OXR1: variants seen among roughly 807,000 people sequenced by gnomAD.
OXR1 encodes oxidation resistance protein 1.
Under a neutral mutation model 104.6 loss-of-function variants are expected in OXR1, and 41 were observed. That is an observed-to-expected ratio of 0.39 (90% CI 0.31 to 0.51). The LOEUF (loss-of-function observed/expected upper bound fraction) is 0.51, where lower values mean the gene tolerates loss of function less well. OXR1 is among the 20% of genes least tolerant of loss of function. The pLI is 0.77. For synonymous variants in OXR1, 348 were observed against 348.4 expected (o/e 1.00, Z 0.01); for missense variants, 955 against 1,031.9 (o/e 0.93, Z 1.02).
At chr8:106,667,838 T>A (rs1455422941) in intron 3 of OXR1, among the ~76,000 whole-genome samples, 1 of 152,104 alleles carries the variant, frequency 6.6e-6, no homozygotes, top group Admixed American at 6.6e-5. Flanking sequence ...TGTACATCAC[T>A]TCTATGTGTA....
chr8:106,582,244 A>G (rs894192058), intron 3 of OXR1, among the ~76,000 whole-genome samples: 2 of 148,374 alleles, frequency 1.3e-5, no homozygotes, highest in African/African-American at 5.0e-5. Context: ...ATACTGATCA[A>G]AATTCAAAAT....
At chr8:106,450,994 C>T (rs914003581) in intron 2 of OXR1, among the ~76,000 whole-genome samples, 10 of 152,056 alleles carry the variant, frequency 6.6e-5, no homozygotes, top group Non-Finnish European at 1.2e-4. Flanking sequence ...AAATTGGGAA[C>T]CGAGAAAGGA....
chr8:106,679,018 TC>T (rs1827880841), intron 3 of OXR1, among the ~76,000 whole-genome samples, 191 bp from the exon 4 acceptor site: 1 of 151,986 alleles, frequency 6.6e-6, no homozygotes, highest in Non-Finnish European at 1.5e-5. Flanking sequence ...CTAGTTAAGT[TC>T]CTAAAGCAAG....
chr8:106,625,996 TA>T (rs960057695), intron 3 of OXR1, among the ~76,000 whole-genome samples: 1 of 151,718 alleles, frequency 6.6e-6, no homozygotes, highest in Non-Finnish European at 1.5e-5. Context: ...TTTTTAGAAT[TA>T]AAAAATATTT....
At chr8:106,419,817 G>T (rs1818831743) in intron 2 of OXR1, among the ~76,000 whole-genome samples, 1 of 152,154 alleles carries the variant, frequency 6.6e-6, no homozygotes, top group Non-Finnish European at 1.5e-5. Flanking sequence ...GATATAACTC[G>T]TAACTCCAAA....
intron 3 of OXR1, among the ~76,000 whole-genome samples, chr8:106,593,733 G>A (rs757485564): frequency 2.6e-5 from 4 of 152,138 alleles, no homozygotes; most frequent in East Asian, 3.9e-4. Context: ...CAGAAATCGC[G>A]CCACGGCACT....
At chr8:106,724,009 C>T (rs1833096057) in intron 11 of OXR1, among the ~76,000 whole-genome samples, 1 of 151,740 alleles carries the variant, frequency 6.6e-6, no homozygotes, top group Admixed American at 6.6e-5. Context: ...TGGTCTCAAT[C>T]TTCTAGGCTC....
chr8:106,736,624 G>A (rs1834401566), intron 11 of OXR1, among the ~76,000 whole-genome samples: 1 of 152,148 alleles, frequency 6.6e-6, no homozygotes, highest in African/African-American at 2.4e-5. Flanking sequence ...ATCTGAAAAA[G>A]CTGTAACTAT....
chr8:106,343,988 T>A (rs556104012), intron 1 of OXR1, among the ~76,000 whole-genome samples: 47 of 152,302 alleles, frequency 3.1e-4, no homozygotes, highest in African/African-American at 1.1e-3. Flanking sequence ...CCTAATAAAT[T>A]CCTGAGAATA....
At chr8:106,525,535 A>G (rs920712797) in intron 3 of OXR1, among the ~76,000 whole-genome samples, 4 of 152,210 alleles carry the variant, frequency 2.6e-5, no homozygotes, top group African/African-American at 7.2e-5. Flanking sequence ...TAAGATAATT[A>G]CAACCTTTAT....
chr8:106,434,928 G>C (rs1031965863), intron 2 of OXR1, among the ~76,000 whole-genome samples: 3 of 152,094 alleles, frequency 2.0e-5, no homozygotes, highest in Non-Finnish European at 4.4e-5. Context: ...GCGTTTCAAT[G>C]AGAGAGCATC....
intron 1 of OXR1, among the ~76,000 whole-genome samples, chr8:106,354,167 C>T (rs566330543): frequency 1.3e-5 from 2 of 151,548 alleles, no homozygotes; most frequent in South Asian, 4.2e-4. Flanking sequence ...TAAGCAAGCT[C>T]AAGCAGAGTA....
chr8:106,725,851 T>C (rs1833285617), intron 11 of OXR1, among the ~76,000 whole-genome samples: 1 of 152,260 alleles, frequency 6.6e-6, no homozygotes. Context: ...ATCATTCATG[T>C]GCTTTAAGAG....
chr8:106,553,195 A>C (rs918256255), intron 3 of OXR1, among the ~76,000 whole-genome samples: 2 of 145,500 alleles, frequency 1.4e-5, no homozygotes, highest in Non-Finnish European at 3.0e-5. Flanking sequence ...CCTAAAACTT[A>C]AAGTACAGTA....
chr8:106,750,186 C>T (rs1350151385), intron 16 of OXR1, among the ~76,000 whole-genome samples: 9 of 151,264 alleles, frequency 5.9e-5, no homozygotes, highest in African/African-American at 1.7e-4. Flanking sequence ...AAAAAAATAC[C>T]CAAAGAAAAA....
chr8:106,313,563 C>T (rs916624370), intron 1 of OXR1, among the ~76,000 whole-genome samples: 1 of 152,016 alleles, frequency 6.6e-6, no homozygotes, highest in Non-Finnish European at 1.5e-5. Flanking sequence ...TTTTAATAAG[C>T]ACAGCAATTC....
At chr8:106,526,760 G>C (rs180677469) in intron 3 of OXR1, among the ~76,000 whole-genome samples, 2 of 152,164 alleles carry the variant, frequency 1.3e-5, no homozygotes, top group African/African-American at 2.4e-5. Flanking sequence ...AGCCAGGATG[G>C]TCTCTATCTC....
chr8:106,534,031 A>G (rs896109517), intron 3 of OXR1, among the ~76,000 whole-genome samples: 2 of 152,112 alleles, frequency 1.3e-5, no homozygotes, highest in Admixed American at 1.3e-4. Context: ...CTTTTATCAG[A>G]GGGACTCAGA....
chr8:106,344,628 C>G (rs573140296), intron 1 of OXR1, among the ~76,000 whole-genome samples: 2 of 152,196 alleles, frequency 1.3e-5, no homozygotes, highest in Non-Finnish European at 2.9e-5. Context: ...TGAGCCACTG[C>G]GCCCGGCCAA....
Sources: allele counts gnomAD v4.1 joint callset (sites outside exome capture counted in the v4.1 genomes callset), GRCh38; gene constraint gnomAD v4.1.1; transcripts MANE v1.5; gene names NCBI Gene and HGNC (gene_info 2026-07-23, HGNC 2026-07-21).